The following CNTLN variants were observed in gnomAD, a reference collection of about 807,000 sequenced individuals.
The protein encoded by CNTLN is centlein, centrosomal protein.
A neutral mutation model predicts 180.0 loss-of-function variants in CNTLN; 212 were observed. That is an observed-to-expected ratio of 1.18 (90% CI 1.05 to 1.32). The LOEUF is 1.32. Ranked by LOEUF, CNTLN falls within the 40% of genes most tolerant of loss-of-function variation. The pLI is 0.00. For synonymous variants in CNTLN, 722 were observed against 563.1 expected, an observed-to-expected ratio of 1.28 and a Z score of -3.99; for missense variants, 2,095 against 1,610.9, an observed-to-expected ratio of 1.30 and a Z score of -5.14.
At chr9:17,299,294 G>T (rs1004781999) in intron 7 of CNTLN, 116 of 167,916 alleles carry the variant, frequency 6.9e-4, no homozygotes, top group African/African-American at 2.8e-3. Flanking sequence ...CATATGTTTT[G>T]TGTAGTGTGC....
At chr9:17,306,146 A>ATTTTTTTTT (rs572150057) in intron 7 of CNTLN, among the ~76,000 whole-genome samples, 1 of 128,008 alleles carries the variant, frequency 7.8e-6, no homozygotes, top group Non-Finnish European at 1.7e-5. Context: ...TTAGTCGTCT[A>ATTTTTTTTT]TTTTTTTTTT....
intron 23 of CNTLN, among the ~76,000 whole-genome samples, chr9:17,476,298 C>G (rs1168575118): frequency 6.6e-6 from 1 of 152,170 alleles, no homozygotes; most frequent in Admixed American, 6.5e-5. Context: ...CCCTGAGCCT[C>G]CTACTTCCTG....
intron 7 of CNTLN, chr9:17,302,104 AC>A: frequency 1.2e-6 from 1 of 809,268 alleles, no homozygotes; most frequent in Non-Finnish European, 1.4e-6. Flanking sequence ...ACACACACAC[AC>A]ACACACACAC....
chr9:17,372,720 A>G (rs1031576001), intron 13 of CNTLN, among the ~76,000 whole-genome samples: 4 of 152,182 alleles, frequency 2.6e-5, no homozygotes, highest in African/African-American at 9.6e-5. Context: ...TGATGCAGAA[A>G]AAACCTCTGC....
intron 8 of CNTLN, among the ~76,000 whole-genome samples, chr9:17,329,519 T>A (rs1820507508): frequency 6.6e-6 from 1 of 152,034 alleles, no homozygotes; most frequent in Non-Finnish European, 1.5e-5. Context: ...TTGAGGAAGA[T>A]AATCATATGG....
chr9:17,301,079 G>C (rs1818310907), intron 7 of CNTLN: 7 of 985,376 alleles, frequency 7.1e-6, no homozygotes, highest in Non-Finnish European at 8.4e-6. Flanking sequence ...GATAAAGAAA[G>C]CTCTCCTTGA....
intron 2 of CNTLN, chr9:17,168,384 C>T (rs372634310): frequency 6.6e-6 from 1 of 152,098 alleles, no homozygotes; most frequent in African/African-American, 2.4e-5. Context: ...AAAGTTATAT[C>T]CCCAAATTTA....
rs200386421 is a variant in CNTLN, at chr9:17,235,638, A to C, written c.535-20A>C. The C allele has an allele frequency of 3.7e-5, 53 of 1,446,494 alleles. No homozygotes were observed. The highest frequency in any genetic ancestry group is 4.7e-5 in the Non-Finnish European group (52 of 1,116,108). The allele number at this position is 1,446,494 out of a possible 1,614,324, so 89.6% of individuals were successfully genotyped here. A position where few individuals can be genotyped will look rare whatever the true frequency, so the allele number is the denominator to read the frequency against. On this transcript the variant is annotated intron_variant, in intron 3 of 25. Coordinates refer to ENST00000380647, the MANE Select transcript of CNTLN (RefSeq NM_017738.4). ...TCTTAGAAATAAAAGCTCACCAGTA[A>C]TTTAAATTTTTTTCCACAGAGAGAG...
the CNTLN span, among the ~76,000 whole-genome samples, chr9:17,511,551 G>T: frequency 6.6e-6 from 1 of 152,046 alleles, no homozygotes; most frequent in Admixed American, 6.6e-5. Flanking sequence ...GTTGGACTTA[G>T]GGCTTCCTTG....
intron 25 of CNTLN, 101 bp downstream of exon 25, chr9:17,487,167 T>C (rs764216266): frequency 2.6e-6 from 2 of 765,392 alleles, no homozygotes; most frequent in African/African-American, 3.5e-5. Flanking sequence ...TTCCCCATTG[T>C]TTACTTCTGT....
intron 14 of CNTLN, 73 bp downstream of exon 14, chr9:17,388,326 A>T (rs1355894284): frequency 1.0e-6 from 1 of 996,914 alleles, no homozygotes; most frequent in Non-Finnish European, 1.5e-6. Context: ...ATATTTTAAA[A>T]CGAGGGCTTG....
At position 17,320,958 on chromosome 9, in the gene CNTLN, C is replaced by G. The variant is rs1186223818; in HGVS notation, c.1342-9674C>G. The stretch of plus-strand genomic sequence containing the variant: ...AGGATTATACCAAGTTATCTTCTCA[C>G]AGTATGTGAGATTGCCCACATTTTG... On this transcript the variant is annotated intron_variant, in intron 8 of 25. Transcript: ENST00000380647. 4.6e-5 allele frequency among the ~76,000 whole-genome samples: 7 copies of G among 152,320 alleles called. No homozygotes were observed. In the East Asian group the frequency reaches 9.6e-4, roughly 21 times the overall value.
chr9:17,161,525 A>G (rs1334012372), intron 2 of CNTLN, among the ~76,000 whole-genome samples: 2 of 152,236 alleles, frequency 1.3e-5, no homozygotes, highest in Non-Finnish European at 2.9e-5. Flanking sequence ...ATTAGGAGCC[A>G]TAAGAGCTTG....
At chr9:17,234,157 T>A (rs1824990220) in intron 3 of CNTLN, among the ~76,000 whole-genome samples, 1 of 152,168 alleles carries the variant, frequency 6.6e-6, no homozygotes, top group African/African-American at 2.4e-5. Context: ...ATTACACTTT[T>A]AAAAATTAGA....
chr9:17,347,450 C>T (rs951370854), intron 12 of CNTLN, among the ~76,000 whole-genome samples: 20 of 152,110 alleles, frequency 1.3e-4, no homozygotes, highest in African/African-American at 2.9e-4. Context: ...GGGCAGATCA[C>T]TTGAGGTCAG....
chr9:17,314,720 T>C (rs916071654), intron 8 of CNTLN, among the ~76,000 whole-genome samples: 9 of 152,230 alleles, frequency 5.9e-5, no homozygotes, highest in African/African-American at 2.2e-4. Context: ...TGTTCCATTT[T>C]CCAACTATCA....
chr9:17,316,981 C>T (rs985848667), intron 8 of CNTLN, among the ~76,000 whole-genome samples: 1 of 151,894 alleles, frequency 6.6e-6, no homozygotes, highest in African/African-American at 2.4e-5. Flanking sequence ...GTATGCCCAT[C>T]AGTACAGATT....
chr9:17,486,311 G>T (rs558826058), intron 24 of CNTLN, among the ~76,000 whole-genome samples: 69 of 150,398 alleles, frequency 4.6e-4, no homozygotes, highest in African/African-American at 1.5e-3. Flanking sequence ...ACAAATAATA[G>T]TTTCTCACGC....
chr9:17,270,203 G>C (rs528260454), intron 5 of CNTLN, among the ~76,000 whole-genome samples: 1 of 151,786 alleles, frequency 6.6e-6, no homozygotes, highest in Non-Finnish European at 1.5e-5. Flanking sequence ...GTTTGTTCTT[G>C]ATTTTTTAAT....
Sources: allele counts gnomAD v4.1 joint callset (sites outside exome capture counted in the v4.1 genomes callset), GRCh38; gene constraint gnomAD v4.1.1; transcripts MANE v1.5; gene names NCBI Gene and HGNC (gene_info 2026-07-23, HGNC 2026-07-21).